WDR27: variants seen among roughly 807,000 people sequenced by gnomAD.
WDR27 encodes WD repeat-containing protein 27.
WDR27 carries 100 observed loss-of-function variants against 114.4 expected under a neutral mutation model. The ratio of observed to expected loss-of-function variants is 0.87; its 90% CI spans 0.74 to 1.03. The LOEUF (loss-of-function observed/expected upper bound fraction) is 1.03. WDR27 is among the 50% of genes least tolerant of loss of function. The probability of loss-of-function intolerance (pLI) is 0.00; values close to 1 mark genes in which losing one functional copy is unlikely to be tolerated. For synonymous variants in WDR27, 449 were observed against 423.1 expected (o/e 1.06, Z -0.75); for missense variants, 1,129 against 1,092.9 (o/e 1.03, Z -0.47).
intron 9 of WDR27, among the ~76,000 whole-genome samples, chr6:169,661,680 G>A (rs1330367982): frequency 6.6e-6 from 1 of 152,090 alleles, no homozygotes; most frequent in African/African-American, 2.4e-5. Flanking sequence ...ACCGTGTCCA[G>A]CCTCCATGCC....
intron 24 of WDR27, among the ~76,000 whole-genome samples, chr6:169,573,870 T>C (rs985556652): frequency 2.6e-5 from 4 of 152,216 alleles, no homozygotes; most frequent in Admixed American, 6.5e-5. Flanking sequence ...CTTTCGTCTT[T>C]TGCATCTGTG....
intron 25 of WDR27, among the ~76,000 whole-genome samples, chr6:169,557,686 A>G (rs1057441414): frequency 1.3e-5 from 2 of 152,178 alleles, no homozygotes; most frequent in Non-Finnish European, 2.9e-5. Context: ...GGTCCCAGAC[A>G]CTCAGGAGGC....
intron 25 of WDR27, among the ~76,000 whole-genome samples, chr6:169,465,286 T>C (rs80157842): frequency 8.3e-6 from 1 of 121,158 alleles, no homozygotes; most frequent in Non-Finnish European, 1.7e-5. Flanking sequence ...AAAAAAGAAA[T>C]AAAGAAAAGA....
downstream of WDR27, among the ~76,000 whole-genome samples, chr6:169,455,806 C>T (rs1784323511): frequency 6.6e-6 from 1 of 152,266 alleles, no homozygotes. Context: ...ACACAGCTCT[C>T]TTCCTAGCAG....
intron 25 of WDR27, among the ~76,000 whole-genome samples, chr6:169,526,662 A>G (rs1274375879): frequency 6.6e-6 from 1 of 152,186 alleles, no homozygotes; most frequent in Non-Finnish European, 1.5e-5. Context: ...CCAAAAAAAT[A>G]AATGAAATTA....
rs192975348 is a variant in WDR27, at chr6:169,656,982, A to C, written c.1402+1294T>G. ...CCGCCTCCCCCCGGCCTTCATTCTCACAATTTCTCAGAACTGTCCCCATGG... is the reference window on the plus strand; with the variant it reads ...CCGCCTCCCCCCGGCCTTCATTCTCCCAATTTCTCAGAACTGTCCCCATGG... On this transcript the variant is annotated intron_variant, in intron 13 of 25. Transcript: ENST00000448612. Among the ~76,000 whole-genome samples the C allele has an allele frequency of 2.0e-5, 3 of 152,270 alleles. No homozygotes were observed. In the East Asian group the frequency reaches 5.8e-4, roughly 29 times the overall value.
chr6:169,513,715 A>G (rs113893968), intron 25 of WDR27, among the ~76,000 whole-genome samples: 253 of 143,532 alleles, frequency 1.8e-3, no homozygotes, highest in African/African-American at 2.9e-3. Context: ...CTTATAAACA[A>G]TGTGTTTATT....
At chr6:169,437,792 G>A in the WDR27 span, among the ~76,000 whole-genome samples, 1 of 151,970 alleles carries the variant, frequency 6.6e-6, no homozygotes, top group African/African-American at 2.4e-5. Context: ...TTTGTTAGTT[G>A]TTGCAATTTT....
intron 22 of WDR27, among the ~76,000 whole-genome samples, chr6:169,606,653 T>C (rs1454782447): frequency 1.3e-5 from 2 of 152,220 alleles, no homozygotes; most frequent in East Asian, 3.8e-4. Flanking sequence ...TTATTCCTTT[T>C]TATGGTTGCC....
intron 2 of WDR27, among the ~76,000 whole-genome samples, chr6:169,681,178 A>T (rs1459877055): frequency 2.6e-5 from 4 of 152,278 alleles, no homozygotes; most frequent in African/African-American, 4.8e-5. Context: ...GTATATCCAT[A>T]CAATGAATAT....
chr6:169,571,159 T>A (rs932921706), intron 25 of WDR27, among the ~76,000 whole-genome samples: 44 of 152,202 alleles, frequency 2.9e-4, no homozygotes, highest in African/African-American at 9.9e-4. Context: ...TATGCTTATG[T>A]CATTTTTCCC....
chr6:169,512,738 T>A (rs956736775), intron 25 of WDR27, among the ~76,000 whole-genome samples: 17 of 152,226 alleles, frequency 1.1e-4, no homozygotes, highest in Non-Finnish European at 1.9e-4. Context: ...GTAGAGGTAA[T>A]GGCTTGAATC....
At chr6:169,546,484 G>A (rs1797468493) in intron 25 of WDR27, among the ~76,000 whole-genome samples, 3 of 152,134 alleles carry the variant, frequency 2.0e-5, no homozygotes, top group Non-Finnish European at 4.4e-5. Context: ...GAGCCGTGGG[G>A]ACACTGAGGA....
intron 25 of WDR27, among the ~76,000 whole-genome samples, chr6:169,554,969 T>A (rs1798671920): frequency 6.6e-6 from 1 of 152,206 alleles, no homozygotes; most frequent in Non-Finnish European, 1.5e-5. Flanking sequence ...AATATTAACA[T>A]AAGTAAAGTT....
In WDR27 at chr6:169,638,580, G is replaced by A. The variant is rs201534381; in HGVS notation, c.1828C>T (p.Arg610Ter). ...LLSAARDGTL[R>*]MWSARGAELA... ...TCTGCCCCACGAGCCGACCACATTC[G>A]CAGGGTCCCGTCCCGGGCCGCAGAG... Residue 610 changes from arginine (R) to a stop codon, truncating the protein, a stop_gained, in exon 18 of 26, where the codon CGA becomes TGA. Coordinates refer to ENST00000448612, the MANE Select transcript of WDR27 (RefSeq NM_182552.5). LOFTEE classifies it high-confidence loss of function. 39 of 1,610,440 alleles carry A rather than the reference G, an allele frequency of 2.4e-5. No individual in the cohort carries two copies. The highest frequency in any genetic ancestry group is 8.4e-5 in the Admixed American group (5 of 59,690).
In WDR27 at chr6:169,638,672, G is replaced by GAA; in HGVS notation, c.1748-13_1748-12insTT. ...TGCCCCGTCGTGACCTAACAGGAAT[G>GAA]ACCACAGAAGGTTACTATTTCTACT... On this transcript the variant is annotated splice_polypyrimidine_tract_variant and intron_variant, in intron 17 of 25. Transcript: ENST00000448612. 2 of 1,593,082 alleles carry GAA rather than the reference G, an allele frequency of 1.3e-6. No homozygotes were observed. The highest frequency in any genetic ancestry group is 1.7e-6 in the Non-Finnish European group (2 of 1,169,832).
At chr6:169,586,551 T>C (rs1340464088) in intron 23 of WDR27, among the ~76,000 whole-genome samples, 1 of 152,006 alleles carries the variant, frequency 6.6e-6, no homozygotes, top group Non-Finnish European at 1.5e-5. Context: ...TTGTCCAATA[T>C]CAAAAGAACT....
Position 169,519,659 on chromosome 6 carries a change from G to T in WDR27, c.2645+52760C>A, listed in dbSNP as rs555294986. 3.3e-5 allele frequency among the ~76,000 whole-genome samples: 5 copies of T among 152,160 alleles called. No homozygotes were observed. In the South Asian group the frequency reaches 6.2e-4, roughly 19 times the overall value. On this transcript the variant is annotated intron_variant, in intron 25 of 25. Coordinates refer to ENST00000448612, the MANE Select transcript of WDR27 (RefSeq NM_182552.5). The stretch of plus-strand genomic sequence containing the variant: ...ACCAGGCCCTCCCTCCAATGTGGGG[G>T]ATTACATTTCAACATGAGATTTGGG...
chr6:169,632,478 T>A (rs1816669308), intron 21 of WDR27, among the ~76,000 whole-genome samples: 1 of 152,172 alleles, frequency 6.6e-6, no homozygotes, highest in African/African-American at 2.4e-5. Context: ...AATGAACTCA[T>A]CAAATGTTTC....
Sources: allele counts gnomAD v4.1 joint callset (sites outside exome capture counted in the v4.1 genomes callset), GRCh38; gene constraint gnomAD v4.1.1; transcripts MANE v1.5; gene names NCBI Gene and HGNC (gene_info 2026-07-23, HGNC 2026-07-21).